The following SETX variants were observed in gnomAD, a reference collection of about 807,000 sequenced individuals.
The protein encoded by SETX is helicase senataxin.
SETX carries 90 observed loss-of-function variants against 227.2 expected under a neutral mutation model. The ratio of observed to expected loss-of-function variants is 0.40; its 90% CI spans 0.33 to 0.47. The LOEUF (loss-of-function observed/expected upper bound fraction) is 0.47. SETX is among the 20% of genes least tolerant of loss of function. SETX has a pLI of 0.91. For missense variants in SETX, 3,052 were observed against 3,181.5 expected (o/e 0.96, Z 0.98); for synonymous variants, 1,210 against 1,113.2 (o/e 1.09, Z -1.73).
rs11787894 is a variant in SETX, at chr9:132,263,677, G to T, written c.*562C>A. 25,047 of 153,372 alleles carry T rather than the reference G, an allele frequency of 0.16. 2,107 individuals are homozygous for T. The highest frequency in any genetic ancestry group is 0.29 in the East Asian group (1,479 of 5,144). The allele number at this position is 153,372 out of a possible 1,614,324, so 9.5% of individuals were successfully genotyped here. A position where few individuals can be genotyped will look rare whatever the true frequency, so the allele number is the denominator to read the frequency against. On this transcript the variant is annotated 3_prime_UTR_variant, in exon 26 of 26. Coordinates refer to ENST00000224140, the MANE Select transcript of SETX (RefSeq NM_015046.7). ...TAGGAGACTCCAGGTTTTTGGGGGGGTTTTTGCTTTTTTTAATAGAGCCAG... is the reference window on the plus strand; with the variant it reads ...TAGGAGACTCCAGGTTTTTGGGGGGTTTTTTGCTTTTTTTAATAGAGCCAG...
rs1202236391 is a variant in SETX, at chr9:132,262,672, G to A, written c.*1567C>T. 1.3e-5 allele frequency: 2 copies of A among 152,598 alleles called. No individual in the cohort carries two copies. The highest frequency in any genetic ancestry group is 4.8e-5 in the African/African-American group (2 of 41,444). The allele number at this position is 152,598 out of a possible 1,614,324, so 9.5% of individuals were successfully genotyped here. A position where few individuals can be genotyped will look rare whatever the true frequency, so the allele number is the denominator to read the frequency against. ...TCTGGACACCAGTGAGGGAGACACA[G>A]GTAATGAAATCAAATGCTCAAACTT... On this transcript the variant is annotated 3_prime_UTR_variant, in exon 26 of 26. Coordinates refer to ENST00000224140, the MANE Select transcript of SETX (RefSeq NM_015046.7).
At position 132,325,540 on chromosome 9, in the gene SETX, C is replaced by T. The variant is rs183099843; in HGVS notation, c.5274+784G>A. Among the ~76,000 whole-genome samples the T allele has an allele frequency of 1.6e-3, 247 of 152,310 alleles. 4 individuals are homozygous for T. Among genetic ancestry groups the T allele is most frequent in the African/African-American group, 5.8e-3 (243 of 41,556 alleles). Reference sequence around the variant, plus strand: ...TGGGAAACTATCTCCTCTGAGAAGTCTTCCTTTACCCGTGCGTCAATAAAC... The same window carrying T: ...TGGGAAACTATCTCCTCTGAGAAGTTTTCCTTTACCCGTGCGTCAATAAAC... On this transcript the variant is annotated intron_variant, in intron 10 of 25. Coordinates refer to ENST00000224140, the MANE Select transcript of SETX (RefSeq NM_015046.7).
intron 4 of SETX, 99 bp from the exon 5 acceptor site, chr9:132,342,898 T>A: frequency 1.1e-6 from 1 of 922,748 alleles, no homozygotes; most frequent in Non-Finnish European, 1.7e-6. Flanking sequence ...AATAAAAATT[T>A]GCTTTTTATT....
At chr9:132,344,389 T>C (rs1848172138) in intron 4 of SETX, among the ~76,000 whole-genome samples, 1 of 152,106 alleles carries the variant, frequency 6.6e-6, no homozygotes, top group South Asian at 2.1e-4. Context: ...AAATTTTCTT[T>C]TTTGTAGAGA....
chr9:132,336,115 T>A (rs891070158), intron 6 of SETX, among the ~76,000 whole-genome samples, 181 bp downstream of exon 6: 5 of 152,092 alleles, frequency 3.3e-5, no homozygotes, highest in African/African-American at 9.7e-5. Flanking sequence ...TGGTGGCGTT[T>A]GCCTGTAATC....
intron 10 of SETX, among the ~76,000 whole-genome samples, chr9:132,325,515 T>C (rs951337775): frequency 1.3e-5 from 2 of 152,194 alleles, no homozygotes; most frequent in African/African-American, 2.4e-5. Flanking sequence ...CAAATGCACA[T>C]GGGAAACTAT....
At chr9:132,339,812 A>G (rs1847851168) in intron 5 of SETX, among the ~76,000 whole-genome samples, 1 of 152,096 alleles carries the variant, frequency 6.6e-6, no homozygotes. Context: ...ACAGGGTTTC[A>G]TCATGTTGGC....
intron 24 of SETX, 86 bp downstream of exon 24, chr9:132,271,624 C>G: frequency 9.2e-7 from 1 of 1,091,944 alleles, no homozygotes; most frequent in South Asian, 1.2e-5. Context: ...ATGGTGTTCT[C>G]TAACAGTGAT....
At chr9:132,291,313 C>T (rs1004253332) in intron 15 of SETX, among the ~76,000 whole-genome samples, 4 of 151,598 alleles carry the variant, frequency 2.6e-5, no homozygotes, top group African/African-American at 9.7e-5. Flanking sequence ...ACTACAGGCG[C>T]CCCCCACCAC....
In SETX at chr9:132,346,010, C is replaced by T. The variant is rs61338484; in HGVS notation, c.388+251G>A. ...CTTCGGCCTAGGAGACACAGCAAGA[C>T]CCTGTCTCTAAAAAAAAATAAAAAC... On this transcript the variant is annotated intron_variant, in intron 4 of 25. Coordinates refer to ENST00000224140, the MANE Select transcript of SETX (RefSeq NM_015046.7). Among the ~76,000 whole-genome samples the T allele has an allele frequency of 1.8e-3, 278 of 152,128 alleles. 1 individual carries two copies. Among genetic ancestry groups the T allele is most frequent in the Non-Finnish European group, 2.8e-3 (190 of 68,012 alleles).
chr9:132,299,084 C>T (rs1443939482), intron 12 of SETX, among the ~76,000 whole-genome samples: 1 of 152,160 alleles, frequency 6.6e-6, no homozygotes, highest in African/African-American at 2.4e-5. Context: ...GACGTGGGAA[C>T]TGGATTTGGG....
chr9:132,314,117 A>T (rs1284209489), intron 10 of SETX, among the ~76,000 whole-genome samples: 1 of 151,658 alleles, frequency 6.6e-6, no homozygotes, highest in Non-Finnish European at 1.5e-5. Flanking sequence ...TTGGAGACAG[A>T]GTTTCGGTCT....
At chr9:132,307,436 T>C (rs996804438) in intron 11 of SETX, among the ~76,000 whole-genome samples, 4 of 152,120 alleles carry the variant, frequency 2.6e-5, no homozygotes, top group Admixed American at 6.5e-5. Flanking sequence ...GCATATAGCA[T>C]GCCCAGATTG....
chr9:132,278,002 A>G, intron 21 of SETX, 68 bp downstream of exon 21: 1 of 1,447,346 alleles, frequency 6.9e-7, no homozygotes, highest in Non-Finnish European at 9.7e-7. Context: ...GACGACAGTA[A>G]AATGTCTATT....
In SETX at chr9:132,298,273, G is replaced by A. The variant is rs752460095; in HGVS notation, c.5588C>T (p.Thr1863Ile). ...TAAATTGGCCGGAAAGTTCTCTTGA[G>A]TCTGGATGGAAAGGTAACACTCAGT... ...GKTECYLSIQ[T>I]QENFPANLNE... The change falls in exon 13 of 26, where the codon ACT becomes ATT. Residue 1863 changes from threonine (T) to isoleucine (I), a missense_variant. By Grantham distance (89) the Thr-to-Ile change is moderately conservative. Transcript: ENST00000224140. 1.1e-5 allele frequency: 17 copies of A among 1,613,986 alleles called. No individual in the cohort carries two copies. Among genetic ancestry groups the A allele is most frequent in the African/African-American group, 1.3e-5 (1 of 74,912 alleles).
intron 15 of SETX, among the ~76,000 whole-genome samples, chr9:132,290,574 C>CAAAAAAAAAAAA (rs59954158): frequency 2.2e-5 from 1 of 44,722 alleles, no homozygotes; most frequent in African/African-American, 5.8e-5. Flanking sequence ...GACTCCGTCT[C>CAAAAAAAAAAAA]AAAAAAAAAA....
chr9:132,285,535 T>C (rs1843807639), intron 18 of SETX, among the ~76,000 whole-genome samples: 1 of 151,380 alleles, frequency 6.6e-6, no homozygotes, highest in African/African-American at 2.4e-5. Flanking sequence ...GACTTGAGGT[T>C]GGACGTTCCA....
intron 19 of SETX, chr9:132,282,755 C>T (rs1843616446): frequency 6.1e-6 from 1 of 163,162 alleles, no homozygotes; most frequent in African/African-American, 2.4e-5. Context: ...ATCATTTCCA[C>T]TTTTTGTCCT....
At chr9:132,279,005 A>G (rs929944363) in intron 20 of SETX, among the ~76,000 whole-genome samples, 3 of 152,252 alleles carry the variant, frequency 2.0e-5, no homozygotes, top group Admixed American at 2.0e-4. Context: ...CCAAAAATCC[A>G]AAATACTCCA....
Sources: allele counts gnomAD v4.1 joint callset (sites outside exome capture counted in the v4.1 genomes callset), GRCh38; gene constraint gnomAD v4.1.1; transcripts MANE v1.5; gene names NCBI Gene and HGNC (gene_info 2026-07-23, HGNC 2026-07-21).